Variants in VWA5A observed in about 807,000 individuals in gnomAD.
VWA5A encodes von Willebrand factor A domain containing 5A, also known as von Willebrand factor A domain-containing protein 5A.
VWA5A carries 77 observed loss-of-function variants against 84.6 expected under a neutral mutation model. The ratio of observed to expected loss-of-function variants is 0.91; its 90% CI spans 0.76 to 1.10. The LOEUF (loss-of-function observed/expected upper bound fraction) is 1.10, where lower values mean the gene tolerates loss of function less well. VWA5A is among the 50% of genes least tolerant of loss of function. The pLI, the probability that VWA5A is intolerant of heterozygous loss-of-function variation, is 0.00. For missense variants in VWA5A, 973 were observed against 963.0 expected (o/e 1.01, Z -0.14); for synonymous variants, 334 against 350.1 (o/e 0.95, Z 0.51).
chr11:124,123,792 C>T lies in VWA5A; in HGVS notation c.1152C>T (p.Gly384=), dbSNP rs758056905. The T allele has an allele frequency of 1.3e-6, 2 of 1,577,120 alleles. No individual in the cohort carries two copies. Among genetic ancestry groups the T allele is most frequent in the Admixed American group, 1.9e-5 (1 of 53,130 alleles). The change falls in exon 10 of 19, where the codon GGC becomes GGT. Residue 384 remains glycine, a synonymous_variant. Coordinates refer to ENST00000456829, the MANE Select transcript of VWA5A (RefSeq NM_001130142.2). Reference sequence around the variant, plus strand: ...TTTACAGGGGACCCTCCATCCCAGGCCACCCCCTACAGGTAAGAAGTGGAA... The same window carrying T: ...TTTACAGGGGACCCTCCATCCCAGGTCACCCCCTACAGGTAAGAAGTGGAA... ...QNIYRGPSIP[G]HPLQLFVFTD... is the part of the protein sequence containing the mutation.
chr11:124,118,245 G>C lies in VWA5A; in HGVS notation c.303G>C (p.Glu101Asp), dbSNP rs762398234. ...AGGGCCACCAGGCCTTCTTATTGGA[G>C]GGGGACAGCAGCTCCAGGGATGTCT... is the stretch of plus-strand genomic sequence containing the variant. ...ISQGHQAFLLEGDSSSRDVFS... is the reference protein window; with the variant it reads ...ISQGHQAFLLDGDSSSRDVFS... The change falls in exon 5 of 19, where the codon GAG (glutamate) becomes GAC (aspartate). Residue 101 changes from glutamate (E) to aspartate (D), a missense_variant. Glu to Asp is a conservative substitution (Grantham distance 45, BLOSUM62 2). Coordinates refer to ENST00000456829, the MANE Select transcript of VWA5A (RefSeq NM_001130142.2). The C allele has an allele frequency of 5.3e-5, 86 of 1,614,058 alleles. No individual in the cohort carries two copies. The highest frequency in any genetic ancestry group is 6.9e-5 in the Non-Finnish European group (81 of 1,180,042).
At chr11:124,145,424 A>C in intron 18 of VWA5A, 61 bp downstream of exon 18, 3 of 1,529,312 alleles carry the variant, frequency 2.0e-6, no homozygotes, top group Non-Finnish European at 2.6e-6. Context: ...GAAGGTGACC[A>C]CAAGAGAGTC....
intron 1 of VWA5A, chr11:124,116,232 A>G (rs1006862174): frequency 1.3e-5 from 2 of 152,286 alleles, no homozygotes; most frequent in African/African-American, 4.8e-5. Flanking sequence ...GCCAGTCTCT[A>G]CCTAAGCCTT....
intron 7 of VWA5A, 99 bp from the exon 8 acceptor site, chr11:124,122,861 T>A (rs544952803): frequency 4.7e-6 from 6 of 1,269,896 alleles, no homozygotes; most frequent in Admixed American, 2.3e-5. Flanking sequence ...TAGATTTGAG[T>A]TTTCCTAGCT....
At chr11:124,117,426 C>A in intron 2 of VWA5A, 71 bp from the exon 3 acceptor site, 1 of 1,381,590 alleles carries the variant, frequency 7.2e-7, no homozygotes, top group Non-Finnish European at 1.0e-6. Context: ...CAGAGAAAGG[C>A]ACATAAAGTA....
Position 124,142,526 on chromosome 11 carries a change from T to C in VWA5A, c.2108T>C (p.Ile703Thr). 6.2e-7 allele frequency: 1 copy of C among 1,614,120 alleles called. No individual in the cohort carries two copies. The highest frequency in any genetic ancestry group is 8.5e-7 in the Non-Finnish European group (1 of 1,180,024). The change falls in exon 17 of 19, where the codon ATC becomes ACC. Residue 703 changes from isoleucine to threonine, a missense_variant. By Grantham distance (89) the Ile-to-Thr change is moderately conservative. Transcript: ENST00000456829. The stretch of plus-strand genomic sequence containing the variant: ...GATCTGAATGAAGATCTAGCCAAGA[T>C]CCTAGGTATGAGTTTGGAAGAAATA... Reference protein sequence around the residue: ...SWDLNEDLAKILGMSLEEIMA... With the variant: ...SWDLNEDLAKTLGMSLEEIMA...
At chr11:124,117,361 T>G (rs933109734) in intron 2 of VWA5A, 136 bp from the exon 3 acceptor site, 4 of 847,994 alleles carry the variant, frequency 4.7e-6, no homozygotes, top group Non-Finnish European at 7.6e-6. Context: ...CTCCTTTTTT[T>G]TAAAGGTTCC....
intron 11 of VWA5A, among the ~76,000 whole-genome samples, chr11:124,131,289 T>A (rs934713994): frequency 6.6e-6 from 1 of 152,108 alleles, no homozygotes; most frequent in African/African-American, 2.4e-5. Context: ...ATAAAGAGGA[T>A]TCATGTCCAG....
chr11:124,131,711 C>A (rs1393258056), intron 11 of VWA5A, among the ~76,000 whole-genome samples: 1 of 151,528 alleles, frequency 6.6e-6, no homozygotes, highest in Non-Finnish European at 1.5e-5. Context: ...TATTTGCAGA[C>A]TCTTTTAGAT....
chr11:124,135,474 T>C (rs1247655859), intron 12 of VWA5A, among the ~76,000 whole-genome samples: 3 of 151,538 alleles, frequency 2.0e-5, no homozygotes, highest in African/African-American at 4.8e-5. Flanking sequence ...TAAATTGCTA[T>C]TCCATTTCAT....
intron 13 of VWA5A, 56 bp downstream of exon 13, chr11:124,136,349 C>A (rs1256196861): frequency 8.2e-6 from 13 of 1,576,382 alleles, no homozygotes; most frequent in African/African-American, 1.3e-5. Context: ...ATGACCATTC[C>A]ACTAAAGCTG....
chr11:124,137,251 A>C lies in VWA5A; in HGVS notation c.1862A>C (p.Lys621Thr). Residue 621 changes from lysine (K) to threonine (T), a missense_variant, in exon 15 of 19, where the codon AAG (lysine) becomes ACG (threonine). Physicochemically the swap from Lys to Thr is moderately conservative, Grantham distance 78. Transcript: ENST00000456829. The part of the protein sequence containing the change: ...PILLGASAPL[K>T]IKCQSGFRKA... ...CTGTTGGGTGCTTCTGCCCCATTGA[A>C]GATAAAATGCCAATCAGGTAATGAG... 1.2e-6 allele frequency: 2 copies of C among 1,614,076 alleles called. No individual in the cohort carries two copies. The highest frequency in any genetic ancestry group is 1.7e-6 in the Non-Finnish European group (2 of 1,180,010).
chr11:124,134,352 C>T (rs1316806319), intron 11 of VWA5A, among the ~76,000 whole-genome samples: 8 of 152,232 alleles, frequency 5.3e-5, no homozygotes, highest in Non-Finnish European at 1.0e-4. Flanking sequence ...TGTGCTAGTA[C>T]TACCAATGTA....
chr11:124,141,796 G>A, intron 16 of VWA5A, 55 bp downstream of exon 16: 2 of 1,580,390 alleles, frequency 1.3e-6, no homozygotes, highest in Non-Finnish European at 1.7e-6. Flanking sequence ...CACATATACA[G>A]GACTAGGCAA....
At chr11:124,131,335 T>C (rs1354504926) in intron 11 of VWA5A, among the ~76,000 whole-genome samples, 2 of 152,144 alleles carry the variant, frequency 1.3e-5, no homozygotes, top group African/African-American at 2.4e-5. Flanking sequence ...GATTTCATCA[T>C]GCGACTCAGA....
intron 6 of VWA5A, 87 bp from the exon 7 acceptor site, chr11:124,118,888 T>G (rs1400577217): frequency 3.6e-6 from 5 of 1,403,924 alleles, no homozygotes; most frequent in Non-Finnish European, 4.9e-6. Context: ...CATGCTGTCT[T>G]ATGGAGGAGG....
intron 8 of VWA5A, 62 bp from the exon 9 acceptor site, chr11:124,123,304 C>G (rs1864961571): frequency 6.5e-7 from 1 of 1,546,440 alleles, no homozygotes; most frequent in South Asian, 1.2e-5. Flanking sequence ...AGTCGATTGA[C>G]AGGGCCCATG....
intron 13 of VWA5A, 108 bp downstream of exon 13, chr11:124,136,401 G>C: frequency 6.7e-7 from 1 of 1,494,878 alleles, no homozygotes; most frequent in Non-Finnish European, 9.1e-7. Flanking sequence ...CACTTGCCAA[G>C]TATAGCTAGC....
At position 124,145,915 on chromosome 11, in the gene VWA5A, A is replaced by C. The variant is rs769840702; in HGVS notation, c.2331A>C (p.Ser777=). The change falls in exon 19 of 19, where the codon TCA becomes TCC. Residue 777 remains serine, a synonymous_variant. Coordinates refer to ENST00000456829, the MANE Select transcript of VWA5A (RefSeq NM_001130142.2). The part of the protein sequence containing the change: ...VVKAAITFLK[S]SVDPAIFAF ...AAGCTGCTATTACTTTCCTGAAGTCATCTGTGGATCCTGCTATCTTTGCCT... is the reference window on the plus strand; with the variant it reads ...AAGCTGCTATTACTTTCCTGAAGTCCTCTGTGGATCCTGCTATCTTTGCCT... 6.3e-7 allele frequency: 1 copy of C among 1,588,562 alleles called. No individual in the cohort carries two copies. The highest frequency in any genetic ancestry group is 8.6e-7 in the Non-Finnish European group (1 of 1,163,588).
Sources: gnomAD v4.1 joint callset for allele counts (sites outside exome capture counted in the v4.1 genomes callset) on GRCh38, gnomAD v4.1.1 for gene constraint, MANE v1.5 for transcripts, NCBI Gene and HGNC (gene_info 2026-07-23, HGNC 2026-07-21) for gene names.